ATAD2B: variants seen among roughly 807,000 people sequenced by gnomAD.
ATAD2B encodes ATPase family AAA domain-containing protein 2B.
A neutral mutation model predicts 167.6 loss-of-function variants in ATAD2B; 40 were observed. The ratio of observed to expected loss-of-function variants is 0.24; its 90% CI spans 0.19 to 0.31. The LOEUF is 0.31. Among genes scored for constraint, ATAD2B ranks in the 10% least tolerant of loss-of-function variants. The probability of loss-of-function intolerance (pLI) is 1.00; values close to 1 mark genes in which losing one functional copy is unlikely to be tolerated. For synonymous variants in ATAD2B, 579 were observed against 596.5 expected (o/e 0.97, Z 0.43); for missense variants, 1,242 against 1,757.2 (o/e 0.71, Z 5.24).
At chr2:23,918,110 T>C (rs1191539829) in intron 1 of ATAD2B, among the ~76,000 whole-genome samples, 4 of 145,092 alleles carry the variant, frequency 2.8e-5, no homozygotes, top group African/African-American at 1.0e-4. Context: ...CTCACTCCTG[T>C]AATCCCACAC....
rs572475764 is a variant in ATAD2B, at chr2:23,893,437, G to A, written c.368+2382C>T. Reference sequence around the variant, plus strand: ...AAGGAATCAAGATTCTCAGGTTCATGACATAAAAACAAATACAAGCCTTCA... The same window carrying A: ...AAGGAATCAAGATTCTCAGGTTCATAACATAAAAACAAATACAAGCCTTCA... On this transcript the variant is annotated intron_variant, in intron 2 of 27. Transcript: ENST00000238789. Among the ~76,000 whole-genome samples the A allele has an allele frequency of 7.8e-4, 119 of 152,070 alleles. 1 individual carries two copies. Among genetic ancestry groups the A allele is most frequent in the African/African-American group, 2.8e-3 (117 of 41,514 alleles).
chr2:23,856,231 T>C, intron 13 of ATAD2B: 1 of 171,166 alleles, frequency 5.8e-6, no homozygotes. Context: ...TATTTTAAAC[T>C]TGGGATATTT....
the ATAD2B span, among the ~76,000 whole-genome samples, chr2:23,720,753 C>T: frequency 6.6e-6 from 1 of 152,068 alleles, no homozygotes; most frequent in Non-Finnish European, 1.5e-5. Flanking sequence ...GCAGTCCTTA[C>T]AAAAAGAGAA....
intron 14 of ATAD2B, among the ~76,000 whole-genome samples, chr2:23,831,661 A>G (rs1386842148): frequency 6.6e-6 from 1 of 152,182 alleles, no homozygotes; most frequent in African/African-American, 2.4e-5. Context: ...ATCACCAAAG[A>G]TGTCCACCCA....
the ATAD2B span, chr2:23,697,222 G>A: frequency 6.6e-6 from 1 of 152,282 alleles, no homozygotes; most frequent in East Asian, 1.9e-4. Flanking sequence ...TGAGGGGCGT[G>A]GGCTGAAGTG....
chr2:23,718,963 A>G, the ATAD2B span, among the ~76,000 whole-genome samples: 1 of 152,202 alleles, frequency 6.6e-6, no homozygotes, highest in Non-Finnish European at 1.5e-5. Flanking sequence ...AATCCACAAT[A>G]ATCTCCCATC....
At chr2:23,858,489 C>CTTTT (rs34177847) in intron 12 of ATAD2B, among the ~76,000 whole-genome samples, 23 of 134,412 alleles carry the variant, frequency 1.7e-4, no homozygotes, top group Non-Finnish European at 1.4e-4. Context: ...CTGTCTCATT[C>CTTTT]TTTTTTTTTT....
At position 23,895,802 on chromosome 2, in the gene ATAD2B, G is replaced by C. The variant is rs779146435; in HGVS notation, c.368+17C>G. The C allele has an allele frequency of 6.4e-7, 1 of 1,566,560 alleles. No individual in the cohort carries two copies. The highest frequency in any genetic ancestry group is 2.3e-5 in the East Asian group (1 of 42,834). ...AGTAATTTAAGAAAAAACAATCAAT[G>C]AGTTCTCCTTTCTCACCTGGCCTGT... On this transcript the variant is annotated intron_variant, in intron 2 of 27. Transcript: ENST00000238789.
intron 20 of ATAD2B, among the ~76,000 whole-genome samples, chr2:23,786,424 C>A (rs890754225): frequency 6.6e-6 from 1 of 151,998 alleles, no homozygotes; most frequent in African/African-American, 2.4e-5. Flanking sequence ...CTGCACAAAC[C>A]TAGATGGTAT....
intron 7 of ATAD2B, among the ~76,000 whole-genome samples, chr2:23,878,010 CA>C (rs1283016862): frequency 3.5e-5 from 1 of 28,600 alleles, no homozygotes; most frequent in African/African-American, 1.2e-4. Flanking sequence ...ACCCTATCTC[CA>C]AAGAAAAAAA....
chr2:23,703,220 G>C, the ATAD2B span: 1 of 1,474,094 alleles, frequency 6.8e-7, no homozygotes, highest in South Asian at 1.4e-5. Flanking sequence ...GGAGGCGGTG[G>C]CCCCTCTGCC....
At chr2:23,779,166 TTTC>T (rs1372673474) in intron 22 of ATAD2B, among the ~76,000 whole-genome samples, 2 of 141,678 alleles carry the variant, frequency 1.4e-5, no homozygotes, top group South Asian at 2.3e-4. Context: ...TAATTTTTTT[TTTC>T]TTTTCTTTTT....
intron 16 of ATAD2B, among the ~76,000 whole-genome samples, chr2:23,820,133 TA>T (rs768587862): frequency 3.8e-4 from 54 of 143,860 alleles, no homozygotes; most frequent in East Asian, 1.0e-3. Flanking sequence ...CTGACTGGCT[TA>T]AAAAAAAAAA....
Position 23,897,064 on chromosome 2 carries a change from A to G in ATAD2B, c.217-1094T>C, listed in dbSNP as rs141055437. ...AGAATCACTCAAACCCAGGAGGTGGAGGTTGCAGTGAGCAACCACTGCACT... is the reference window on the plus strand; with the variant it reads ...AGAATCACTCAAACCCAGGAGGTGGGGGTTGCAGTGAGCAACCACTGCACT... On this transcript the variant is annotated intron_variant, in intron 1 of 27. Coordinates refer to ENST00000238789, the MANE Select transcript of ATAD2B (RefSeq NM_017552.4). 2.2e-4 allele frequency among the ~76,000 whole-genome samples: 33 copies of G among 152,306 alleles called. No individual in the cohort carries two copies. In the East Asian group the frequency reaches 6.4e-3, roughly 29 times the overall value.
chr2:23,830,743 C>T (rs545327326), intron 14 of ATAD2B, among the ~76,000 whole-genome samples: 15 of 152,138 alleles, frequency 9.9e-5, no homozygotes, highest in African/African-American at 3.6e-4. Flanking sequence ...GAAATATCAA[C>T]CTAACAGCAT....
chr2:23,868,525 T>C (rs984841031), intron 9 of ATAD2B, among the ~76,000 whole-genome samples: 3 of 152,222 alleles, frequency 2.0e-5, no homozygotes, highest in Non-Finnish European at 2.9e-5. Context: ...ATTCCTAGGC[T>C]CAGCCACCCA....
chr2:23,876,214 G>A (rs143627421), intron 7 of ATAD2B, among the ~76,000 whole-genome samples: 52 of 150,358 alleles, frequency 3.5e-4, no homozygotes, highest in East Asian at 3.2e-3. Context: ...GGATGGTCTC[G>A]ATCTCCTGAC....
chr2:23,775,027 A>G (rs1678871927), intron 22 of ATAD2B, among the ~76,000 whole-genome samples: 1 of 152,184 alleles, frequency 6.6e-6, no homozygotes, highest in African/African-American at 2.4e-5. Context: ...CTTCGAGTCT[A>G]AAATAAAGGA....
Position 23,918,973 on chromosome 2 carries a change from G to A in ATAD2B, c.216+7582C>T, listed in dbSNP as rs79604380. Among the ~76,000 whole-genome samples the A allele has an allele frequency of 1.2e-3, 184 of 152,294 alleles. 1 individual carries two copies. Among genetic ancestry groups the A allele is most frequent in the Admixed American group, 3.6e-3 (55 of 15,292 alleles). ...GACAGCATTAAACAACACCTGGCACGTATGAGATGCTAAATAAACCTTGGT... is the reference window on the plus strand; with the variant it reads ...GACAGCATTAAACAACACCTGGCACATATGAGATGCTAAATAAACCTTGGT... On this transcript the variant is annotated intron_variant, in intron 1 of 27. Coordinates refer to ENST00000238789, the MANE Select transcript of ATAD2B (RefSeq NM_017552.4).
Sources: allele counts gnomAD v4.1 joint callset (sites outside exome capture counted in the v4.1 genomes callset), GRCh38; gene constraint gnomAD v4.1.1; transcripts MANE v1.5; gene names NCBI Gene and HGNC (gene_info 2026-07-23, HGNC 2026-07-21).